Variants in GLI2 observed in about 807,000 individuals in gnomAD.
GLI2 encodes the protein GLI family zinc finger 2.
A neutral mutation model predicts 78.9 loss-of-function variants in GLI2; 22 were observed. The observed-to-expected ratio is 0.28, with a 90% CI of 0.20 to 0.40. The LOEUF is 0.40. Ranked by LOEUF, GLI2 falls within the 10% of genes least tolerant of loss-of-function variation. GLI2 has a pLI of 1.00. For missense variants in GLI2, 2,097 were observed against 2,213.2 expected (o/e 0.95, Z 1.05); for synonymous variants, 974 against 963.7 (o/e 1.01, Z -0.20).
At chr2:120,773,931 TTCCC>T (rs1283984030) in intron 1 of GLI2, among the ~76,000 whole-genome samples, 3 of 70,668 alleles carry the variant, frequency 4.2e-5, no homozygotes, top group South Asian at 6.2e-4. Flanking sequence ...CCTTCCTTCC[TTCCC>T]TCCCTCCCTC....
At chr2:120,834,860 G>A (rs191557905) in intron 2 of GLI2, among the ~76,000 whole-genome samples, 8 of 152,120 alleles carry the variant, frequency 5.3e-5, no homozygotes, top group South Asian at 4.2e-4. Context: ...CTGAGAGGTC[G>A]TGTGTAAGGA....
At chr2:120,795,430 G>A (rs533517554) in intron 1 of GLI2, among the ~76,000 whole-genome samples, 35 of 150,282 alleles carry the variant, frequency 2.3e-4, no homozygotes, top group African/African-American at 7.8e-4. Flanking sequence ...GGCTGAGGCA[G>A]GAGAATCTTT....
In GLI2 at chr2:120,988,689, C is replaced by G. The variant is rs1683109709; in HGVS notation, c.2724C>G (p.Arg908=). The stretch of plus-strand genomic sequence containing the variant: ...TGGCGCTGCTGGACGCGCCCGAGCG[C>G]ACGCTGCCCGCCGGCTGCCCACGCC... ...TRLALLDAPE[R]TLPAGCPRPL... Residue 908 remains arginine (R), a synonymous_variant, in exon 14 of 14, where the codon CGC becomes CGG. Coordinates refer to ENST00000361492, the MANE Select transcript of GLI2 (RefSeq NM_001374353.1). 1 of 1,286,156 alleles carries G rather than the reference C, an allele frequency of 7.8e-7. No individual in the cohort carries two copies. The highest frequency in any genetic ancestry group is 1.8e-5 in the South Asian group (1 of 55,562). 79.7% of individuals were successfully genotyped at this position (1,286,156 alleles called of 1,614,324 possible).
At chr2:120,973,228 A>G (rs1268232815) in intron 8 of GLI2, among the ~76,000 whole-genome samples, 2 of 152,248 alleles carry the variant, frequency 1.3e-5, no homozygotes, top group Non-Finnish European at 1.5e-5. Flanking sequence ...AGCACGATGC[A>G]TGGTTTCCAC....
Position 120,989,729 on chromosome 2 carries a change from A to T in GLI2, c.3764A>T (p.Asn1255Ile). 6.2e-7 allele frequency: 1 copy of T among 1,613,030 alleles called. No homozygotes were observed. Among genetic ancestry groups the T allele is most frequent in the Non-Finnish European group, 8.5e-7 (1 of 1,179,920 alleles). ...ALNQFPQSCS[N>I]MPAKPGHLGH... Reference sequence around the variant, plus strand: ...AACCAGTTCCCCCAATCCTGCAGCAACATGCCAGCCAAGCCAGGGCATCTG... The same window carrying T: ...AACCAGTTCCCCCAATCCTGCAGCATCATGCCAGCCAAGCCAGGGCATCTG... The change falls in exon 14 of 14, where the codon AAC becomes ATC. Residue 1255 changes from asparagine to isoleucine, a missense_variant. Transcript: ENST00000361492.
chr2:120,823,828 C>A (rs1018927131), intron 2 of GLI2, among the ~76,000 whole-genome samples: 2 of 152,142 alleles, frequency 1.3e-5, no homozygotes, highest in Non-Finnish European at 2.9e-5. Context: ...TAGGCGAAGG[C>A]GCAGTACCAT....
At chr2:120,854,377 C>A (rs1377629130) in intron 2 of GLI2, among the ~76,000 whole-genome samples, 2 of 152,196 alleles carry the variant, frequency 1.3e-5, no homozygotes, top group South Asian at 4.1e-4. Flanking sequence ...CCAGTTCCAG[C>A]CGCGCATAGC....
chr2:120,945,681 G>C (rs1680671638), intron 3 of GLI2, among the ~76,000 whole-genome samples: 1 of 152,042 alleles, frequency 6.6e-6, no homozygotes, highest in Non-Finnish European at 1.5e-5. Context: ...TCCTTCTTGG[G>C]CTCTCCCCTG....
chr2:120,746,877 CTTAT>C (rs1682710534), intron 1 of GLI2, among the ~76,000 whole-genome samples: 3 of 152,044 alleles, frequency 2.0e-5, no homozygotes, highest in South Asian at 2.1e-4. Context: ...CTTGTAACTC[CTTAT>C]TTATTTAACA....
At chr2:120,955,055 G>T (rs1293704536) in intron 4 of GLI2, among the ~76,000 whole-genome samples, 190 bp from the exon 5 acceptor site, 2 of 151,902 alleles carry the variant, frequency 1.3e-5, no homozygotes, top group African/African-American at 4.8e-5. Flanking sequence ...CGCAGCTCGT[G>T]CTGGCCAAGC....
At chr2:120,822,053 G>A (rs1685804170) in intron 2 of GLI2, among the ~76,000 whole-genome samples, 2 of 152,242 alleles carry the variant, frequency 1.3e-5, no homozygotes, top group Admixed American at 1.3e-4. Flanking sequence ...GCTAAGACCG[G>A]GCGGTGGGCC....
chr2:120,972,477 G>A (rs536570374), intron 8 of GLI2, among the ~76,000 whole-genome samples: 446 of 152,244 alleles, frequency 2.9e-3, no homozygotes, highest in African/African-American at 0.01. Flanking sequence ...TGGCTCCTTC[G>A]CTGCCACTTC....
intron 3 of GLI2, among the ~76,000 whole-genome samples, chr2:120,931,907 G>A (rs557315954): frequency 1.9e-4 from 29 of 152,234 alleles, no homozygotes; most frequent in African/African-American, 5.5e-4. Context: ...GTCCCTACGC[G>A]GTCCTGCTGG....
intron 2 of GLI2, among the ~76,000 whole-genome samples, chr2:120,906,014 C>T (rs541711211): frequency 3.3e-5 from 5 of 152,320 alleles, no homozygotes; most frequent in East Asian, 1.9e-4. Context: ...CAAGGAGGGC[C>T]GGCGCTTCTC....
At chr2:120,901,098 A>G (rs1422393427) in intron 2 of GLI2, among the ~76,000 whole-genome samples, 2 of 152,340 alleles carry the variant, frequency 1.3e-5, no homozygotes, top group East Asian at 3.9e-4. Flanking sequence ...CTTTCAAAAT[A>G]AAGCCACTTA....
rs72957212 is a variant in GLI2, at chr2:120,966,541, C to T, written c.644-2173C>T. 3.5e-3 allele frequency among the ~76,000 whole-genome samples: 533 copies of T among 152,362 alleles called. 5 individuals are homozygous for T. The highest frequency in any genetic ancestry group is 0.012 in the African/African-American group (513 of 41,580). ...TTAGGAGAGAAAACCCTGGAAGCCC[C>T]TTTCGGCCCAATGGTCCTGGATGTC... is the stretch of plus-strand genomic sequence containing the variant. On this transcript the variant is annotated intron_variant, in intron 5 of 13. Coordinates refer to ENST00000361492, the MANE Select transcript of GLI2 (RefSeq NM_001374353.1).
At chr2:120,742,459 G>T (rs2104622511) in intron 1 of GLI2, among the ~76,000 whole-genome samples, 1 of 152,260 alleles carries the variant, frequency 6.6e-6, no homozygotes, top group East Asian at 1.9e-4. Context: ...GTGCTAAGTT[G>T]AATTGATTGA....
At chr2:120,922,375 G>A (rs1272900352) in intron 2 of GLI2, among the ~76,000 whole-genome samples, 1 of 152,146 alleles carries the variant, frequency 6.6e-6, no homozygotes, top group Non-Finnish European at 1.5e-5. Context: ...CCATCCTGGG[G>A]CAAACACTGT....
intron 9 of GLI2, 84 bp from the exon 10 acceptor site, chr2:120,978,350 G>A (rs574717218): frequency 9.4e-6 from 14 of 1,491,028 alleles, no homozygotes; most frequent in South Asian, 2.3e-5. Flanking sequence ...GGGGGGTGCC[G>A]GTGCAGGTGG....
Sources: allele counts gnomAD v4.1 joint callset (sites outside exome capture counted in the v4.1 genomes callset), GRCh38; gene constraint gnomAD v4.1.1; transcripts MANE v1.5; gene names NCBI Gene and HGNC (gene_info 2026-07-23, HGNC 2026-07-21).